PTN: variants seen among roughly 807,000 people sequenced by gnomAD.
The protein encoded by PTN is pleiotrophin, also known as heparin affin regulatory protein.
In PTN, 18 loss-of-function variants were observed where a neutral mutation model predicts 24.1. That is an observed-to-expected ratio of 0.75 (90% CI 0.52 to 1.11). The LOEUF (loss-of-function observed/expected upper bound fraction) is 1.11, where lower values mean the gene tolerates loss of function less well. Among genes scored for constraint, PTN ranks in the 50% least tolerant of loss-of-function variants. The pLI, the probability that PTN is intolerant of heterozygous loss-of-function variation, is 0.00. For synonymous variants in PTN, 78 were observed against 68.6 expected (o/e 1.14, Z -0.67); for missense variants, 163 against 198.8 (o/e 0.82, Z 1.08).
intron 1 of PTN, among the ~76,000 whole-genome samples, chr7:137,333,828 T>C (rs1810400432): frequency 1.3e-5 from 2 of 152,174 alleles, no homozygotes; most frequent in South Asian, 4.1e-4. Context: ...AGCATGGTAC[T>C]GGTACCAAAA....
intron 1 of PTN, among the ~76,000 whole-genome samples, chr7:137,322,452 A>G (rs1352386990): frequency 1.3e-5 from 2 of 152,186 alleles, no homozygotes; most frequent in African/African-American, 4.8e-5. Flanking sequence ...AGTTCTTGCT[A>G]TGCATAGTAG....
chr7:137,255,179 T>A (rs1253729674), intron 1 of PTN, among the ~76,000 whole-genome samples: 2 of 152,224 alleles, frequency 1.3e-5, no homozygotes, highest in Non-Finnish European at 2.9e-5. Flanking sequence ...CAATCACGTA[T>A]TCACTGACAA....
intron 4 of PTN, among the ~76,000 whole-genome samples, chr7:137,239,549 C>A (rs370775726): frequency 1.6e-4 from 24 of 152,002 alleles, no homozygotes; most frequent in Non-Finnish European, 2.6e-4. Flanking sequence ...ATCCCTCCCC[C>A]CTCCTCCCAC....
intron 4 of PTN, among the ~76,000 whole-genome samples, chr7:137,243,030 G>T (rs1050905599): frequency 4.6e-5 from 7 of 152,200 alleles, no homozygotes; most frequent in Non-Finnish European, 1.0e-4. Context: ...TCTGCCTCCT[G>T]GGTTCAAGCG....
chr7:137,231,872 ACT>A (rs1341400515), intron 4 of PTN, among the ~76,000 whole-genome samples: 1 of 151,952 alleles, frequency 6.6e-6, no homozygotes, highest in African/African-American at 2.4e-5. Flanking sequence ...ACCTGATTAA[ACT>A]CTGTGGGTAA....
intron 1 of PTN, among the ~76,000 whole-genome samples, chr7:137,257,965 T>A (rs974542677): frequency 1.3e-5 from 2 of 152,134 alleles, no homozygotes; most frequent in Non-Finnish European, 1.5e-5. Context: ...CTTCTGTAAA[T>A]AATACAATAA....
chr7:137,272,861 C>T (rs923353590), intron 1 of PTN, among the ~76,000 whole-genome samples: 9 of 152,214 alleles, frequency 5.9e-5, no homozygotes, highest in Non-Finnish European at 1.3e-4. Flanking sequence ...GATTCACATA[C>T]ACTAGCCAAT....
chr7:137,279,252 C>T (rs1288730173), intron 1 of PTN, among the ~76,000 whole-genome samples: 5 of 152,012 alleles, frequency 3.3e-5, no homozygotes, highest in African/African-American at 1.2e-4. Flanking sequence ...GTTGATTTAA[C>T]AATTGAATGT....
At chr7:137,260,277 G>C (rs16874924) in intron 1 of PTN, among the ~76,000 whole-genome samples, 24,902 of 152,032 alleles carry the variant, frequency 0.16, 2,186 homozygotes, top group South Asian at 0.29. Context: ...TCGTGAAATA[G>C]TAATTTTCTG....
chr7:137,330,768 G>C (rs1279159976), intron 1 of PTN, among the ~76,000 whole-genome samples: 1 of 152,120 alleles, frequency 6.6e-6, no homozygotes, highest in African/African-American at 2.4e-5. Flanking sequence ...ACAAGAAGAG[G>C]ACCAGGTTTG....
At chr7:137,280,506 A>C (rs892236416) in intron 1 of PTN, among the ~76,000 whole-genome samples, 1 of 151,326 alleles carries the variant, frequency 6.6e-6, no homozygotes, top group African/African-American at 2.4e-5. Flanking sequence ...TAGGGGACTT[A>C]AGGGTAGCAG....
At chr7:137,286,391 T>C (rs1183242970) in intron 1 of PTN, among the ~76,000 whole-genome samples, 1 of 152,208 alleles carries the variant, frequency 6.6e-6, no homozygotes, top group African/African-American at 2.4e-5. Context: ...ACTGTTTCAT[T>C]ACACTGAAAA....
chr7:137,253,685 CT>C, intron 2 of PTN, 48 bp from the exon 3 acceptor site: 2 of 1,408,980 alleles, frequency 1.4e-6, no homozygotes, highest in Non-Finnish European at 1.9e-6. Flanking sequence ...AACTCCTTAA[CT>C]TCCAGATATA....
chr7:137,246,173 T>C (rs1422603269), intron 4 of PTN, among the ~76,000 whole-genome samples: 1 of 152,184 alleles, frequency 6.6e-6, no homozygotes, highest in Non-Finnish European at 1.5e-5. Flanking sequence ...CCTACAGAGA[T>C]GTACCATTTT....
intron 1 of PTN, among the ~76,000 whole-genome samples, chr7:137,338,298 T>C (rs1314540674): frequency 6.6e-6 from 1 of 152,208 alleles, no homozygotes; most frequent in African/African-American, 2.4e-5. Flanking sequence ...GAGTGCCATG[T>C]CTTAAAAATT....
chr7:137,294,672 T>A (rs1009823038), intron 1 of PTN, among the ~76,000 whole-genome samples: 5 of 152,108 alleles, frequency 3.3e-5, no homozygotes, highest in African/African-American at 1.2e-4. Flanking sequence ...GTATATATTG[T>A]GTCTTGAACT....
intron 1 of PTN, among the ~76,000 whole-genome samples, chr7:137,291,302 A>G (rs1809635766): frequency 6.6e-6 from 1 of 152,216 alleles, no homozygotes; most frequent in Non-Finnish European, 1.5e-5. Flanking sequence ...TATAAATGCT[A>G]TATTTTATAC....
intron 4 of PTN, among the ~76,000 whole-genome samples, chr7:137,238,128 A>C (rs530747626): frequency 6.6e-6 from 1 of 152,276 alleles, no homozygotes; most frequent in East Asian, 1.9e-4. Flanking sequence ...GAACAACAAC[A>C]AGCTTGCTCT....
chr7:137,298,031 G>A (rs539904323), intron 1 of PTN, among the ~76,000 whole-genome samples: 1 of 151,980 alleles, frequency 6.6e-6, no homozygotes, highest in Non-Finnish European at 1.5e-5. Flanking sequence ...CAAGAACAGA[G>A]ACCAGAAGCT....
Sources: allele counts gnomAD v4.1 joint callset (sites outside exome capture counted in the v4.1 genomes callset), GRCh38; gene constraint gnomAD v4.1.1; transcripts MANE v1.5; gene names NCBI Gene and HGNC (gene_info 2026-07-23, HGNC 2026-07-21).